The following TFEC variants were observed in gnomAD, a reference collection of about 807,000 sequenced individuals.
TFEC encodes the protein transcription factor EC.
A neutral mutation model predicts 41.6 loss-of-function variants in TFEC; 31 were observed. That is an observed-to-expected ratio of 0.74 (90% confidence interval 0.56 to 1.01). The LOEUF is 1.01. TFEC is among the 50% of genes least tolerant of loss of function. The probability of loss-of-function intolerance (pLI) is 0.00; values close to 1 mark genes in which losing one functional copy is unlikely to be tolerated. For synonymous variants in TFEC, 143 were observed against 140.6 expected (o/e 1.02, Z -0.12); for missense variants, 402 against 404.1 (o/e 0.99, Z 0.04).
At chr7:115,995,070 C>T (rs576996430) in intron 1 of TFEC, among the ~76,000 whole-genome samples, 72 of 151,990 alleles carry the variant, frequency 4.7e-4, no homozygotes, top group Non-Finnish European at 8.2e-4. Context: ...AGCTGGAAAC[C>T]ATCATTCTGA....
At chr7:116,029,392 T>C (rs146605451) in intron 1 of TFEC, among the ~76,000 whole-genome samples, 2 of 152,246 alleles carry the variant, frequency 1.3e-5, no homozygotes, top group Admixed American at 6.5e-5. Flanking sequence ...TCATCTAAAA[T>C]AGAAGTGAAG....
intron 5 of TFEC, 147 bp downstream of exon 5, chr7:115,954,439 T>C (rs537681649): frequency 4.1e-4 from 214 of 524,530 alleles, no homozygotes; most frequent in Non-Finnish European, 6.3e-4. Flanking sequence ...ACATTGTTAA[T>C]ATTTCCCAAA....
chr7:116,140,349 A>G (rs1798515671), intron 1 of TFEC, among the ~76,000 whole-genome samples: 1 of 152,188 alleles, frequency 6.6e-6, no homozygotes, highest in African/African-American at 2.4e-5. Context: ...AATTTAATCT[A>G]TGTGTTCTGT....
chr7:116,056,638 C>A (rs546940567), intron 3 of TFEC, among the ~76,000 whole-genome samples: 32 of 152,202 alleles, frequency 2.1e-4, no homozygotes, highest in African/African-American at 7.2e-4. Context: ...AAGCATTGCT[C>A]TGGTCCTATC....
chr7:116,035,866 C>G (rs1795897197), intron 3 of TFEC, among the ~76,000 whole-genome samples: 1 of 151,482 alleles, frequency 6.6e-6, no homozygotes, highest in Admixed American at 6.6e-5. Flanking sequence ...CTCTGATTAC[C>G]AAGAATTTAA....
chr7:115,989,165 G>A (rs957144008), intron 1 of TFEC, among the ~76,000 whole-genome samples: 2 of 152,194 alleles, frequency 1.3e-5, no homozygotes, highest in Non-Finnish European at 2.9e-5. Flanking sequence ...CCTACATAGA[G>A]AGACAAAGAG....
At chr7:116,136,434 G>A (rs1035693621) in intron 1 of TFEC, among the ~76,000 whole-genome samples, 1 of 151,858 alleles carries the variant, frequency 6.6e-6, no homozygotes, top group African/African-American at 2.4e-5. Context: ...TTCAGGTCTA[G>A]TTAAGGAGAA....
At chr7:116,150,522 T>A (rs574477481) in intron 1 of TFEC, among the ~76,000 whole-genome samples, 245 of 151,902 alleles carry the variant, frequency 1.6e-3, no homozygotes, top group African/African-American at 5.6e-3. Flanking sequence ...TTAAAAAAAA[T>A]AAAATAAAAA....
At chr7:116,114,093 A>C (rs1177224051) in intron 1 of TFEC, among the ~76,000 whole-genome samples, 1 of 152,108 alleles carries the variant, frequency 6.6e-6, no homozygotes, top group African/African-American at 2.4e-5. Flanking sequence ...TAACAATATA[A>C]TTTAGTAACC....
rs1384955974 is a variant in TFEC at position 115,939,780 on chromosome 7, G to A, written c.*771C>T. ...CTGAATGATGTGCATATGTGTATGTGTATGTTTGTGTGAAGGGATACAATT... is the reference window on the plus strand; with the variant it reads ...CTGAATGATGTGCATATGTGTATGTATATGTTTGTGTGAAGGGATACAATT... On this transcript the variant is annotated 3_prime_UTR_variant, in exon 8 of 8. Transcript: ENST00000265440. 1 of 152,024 alleles carries A rather than the reference G, an allele frequency of 6.6e-6. No homozygotes were observed. The highest frequency in any genetic ancestry group is 2.4e-5 in the African/African-American group (1 of 41,418). The allele number at this position is 152,024 out of a possible 1,614,324, so 9.4% of individuals were successfully genotyped here.
chr7:116,013,001 A>G (rs1562932806), intron 1 of TFEC, among the ~76,000 whole-genome samples: 1 of 152,032 alleles, frequency 6.6e-6, no homozygotes, highest in African/African-American at 2.4e-5. Context: ...ACCATTTTCT[A>G]AAGAATATGA....
chr7:116,017,454 C>A (rs12669380), intron 1 of TFEC, among the ~76,000 whole-genome samples: 1 of 152,046 alleles, frequency 6.6e-6, no homozygotes, highest in African/African-American at 2.4e-5. Context: ...AACTCCTGAC[C>A]TGGTGATCTG....
At position 116,003,257 on chromosome 7, in the gene TFEC, A is replaced by G. The variant is rs200089186; in HGVS notation, c.-72-18744T>C. 5.9e-3 allele frequency among the ~76,000 whole-genome samples: 895 copies of G among 152,212 alleles called. 23 individuals are homozygous for G. Among genetic ancestry groups the G allele is most frequent in the East Asian group, 0.048 (251 of 5,186 alleles). The stretch of plus-strand genomic sequence containing the variant: ...CATTTTTAAACTTTAAATTTAAAAA[A>G]AAAAATTAAATAATTAAAAGTAAGT... On this transcript the variant is annotated intron_variant, in intron 1 of 7. Transcript: ENST00000265440.
At chr7:116,105,759 T>C (rs992477278) in intron 3 of TFEC, among the ~76,000 whole-genome samples, 1 of 151,926 alleles carries the variant, frequency 6.6e-6, no homozygotes, top group South Asian at 2.1e-4. Flanking sequence ...TCCATGAAAG[T>C]CTGAGTGTTT....
intron 1 of TFEC, 126 bp downstream of exon 1, chr7:116,030,507 T>C (rs1795753254): frequency 1.8e-6 from 1 of 557,896 alleles, no homozygotes; most frequent in Non-Finnish European, 2.3e-6. Flanking sequence ...GATACCTAGT[T>C]ATCATAAAAG....
chr7:116,010,340 A>C (rs1159041235), intron 1 of TFEC, among the ~76,000 whole-genome samples: 1 of 152,176 alleles, frequency 6.6e-6, no homozygotes, highest in Non-Finnish European at 1.5e-5. Context: ...GGTGAGGGTA[A>C]AGTTGTGATG....
At position 116,062,560 on chromosome 7, in the gene TFEC, CATATATATATATATATATATAT is replaced by C. The variant is rs57742551; in HGVS notation, c.198+48126_198+48147del. 4.2e-3 allele frequency among the ~76,000 whole-genome samples: 430 copies of C among 101,692 alleles called. 5 individuals are homozygous for C. The highest frequency in any genetic ancestry group is 0.014 in the African/African-American group (383 of 28,272). The allele number at this position is 101,692 out of a possible 152,430, so 66.7% of individuals were successfully genotyped here. A position where few individuals can be genotyped will look rare whatever the true frequency, so the allele number is the denominator to read the frequency against. On this transcript the variant is annotated intron_variant, in intron 3 of 8. Transcript: ENST00000484212. ...TTCCTTTTTATAGCTGAGTAGTACT[CATATATATATATATATATATAT>C]ATATATATATATATATATCACATTT...
intron 6 of TFEC, among the ~76,000 whole-genome samples, chr7:115,943,277 T>C (rs1187824965): frequency 6.6e-6 from 1 of 151,846 alleles, no homozygotes; most frequent in African/African-American, 2.4e-5. Context: ...GGAGAGACAG[T>C]CTATCTTTGG....
At chr7:115,979,935 G>T (rs747120939) in intron 2 of TFEC, among the ~76,000 whole-genome samples, 2 of 152,132 alleles carry the variant, frequency 1.3e-5, no homozygotes, top group African/African-American at 4.8e-5. Context: ...CATGTAGCAT[G>T]AAACTTAACC....
Sources: gnomAD v4.1 joint callset for allele counts (sites outside exome capture counted in the v4.1 genomes callset) on GRCh38, gnomAD v4.1.1 for gene constraint, MANE v1.5 for transcripts, NCBI Gene and HGNC (gene_info 2026-07-23, HGNC 2026-07-21) for gene names.